The following PCDH9 variants were observed in gnomAD, a reference collection of about 807,000 sequenced individuals.
PCDH9 encodes protocadherin 9, also known as protocadherin-9.
In PCDH9, 24 loss-of-function variants were observed where a neutral mutation model predicts 70.6. The ratio of observed to expected loss-of-function variants is 0.34; its 90% confidence interval spans 0.25 to 0.48. The LOEUF is 0.48. Ranked by LOEUF, PCDH9 falls within the 20% of genes least tolerant of loss-of-function variation. The probability of loss-of-function intolerance (pLI) is 0.99; values close to 1 mark genes in which losing one functional copy is unlikely to be tolerated. For synonymous variants in PCDH9, 562 were observed against 558.5 expected (o/e 1.01, Z -0.09); for missense variants, 1,281 against 1,503.6 (o/e 0.85, Z 2.45).
At chr13:66,736,548 T>C (rs996673054) in intron 3 of PCDH9, among the ~76,000 whole-genome samples, 10 of 152,182 alleles carry the variant, frequency 6.6e-5, no homozygotes, top group African/African-American at 2.4e-4. Flanking sequence ...CTTTTAGATT[T>C]TGTTATTGTG....
At chr13:66,893,503 C>G (rs866572157) in intron 3 of PCDH9, among the ~76,000 whole-genome samples, 3 of 152,026 alleles carry the variant, frequency 2.0e-5, no homozygotes, top group Middle Eastern at 3.2e-3. Flanking sequence ...AAATAAGAAG[C>G]CATAGGAGAT....
intron 3 of PCDH9, among the ~76,000 whole-genome samples, chr13:66,778,494 C>T (rs2079937816): frequency 6.6e-6 from 1 of 152,148 alleles, no homozygotes; most frequent in South Asian, 2.1e-4. Flanking sequence ...GCTTTTCCAA[C>T]ATTTGTACTT....
chr13:66,737,037 C>T (rs1448879554), intron 3 of PCDH9, among the ~76,000 whole-genome samples: 1 of 152,062 alleles, frequency 6.6e-6, no homozygotes, highest in African/African-American at 2.4e-5. Flanking sequence ...CCATGAAACG[C>T]AGGGTAGTGC....
intron 2 of PCDH9, among the ~76,000 whole-genome samples, chr13:67,092,963 A>G (rs1253488404): frequency 6.6e-6 from 1 of 152,002 alleles, no homozygotes; most frequent in Admixed American, 6.6e-5. Flanking sequence ...AGAAGGGGGA[A>G]AAAAAAACTA....
chr13:66,711,392 C>CAAA (rs5804291), intron 3 of PCDH9, among the ~76,000 whole-genome samples: 11 of 128,620 alleles, frequency 8.6e-5, no homozygotes, highest in Non-Finnish European at 1.4e-4. Context: ...AAGAAAATTG[C>CAAA]AAAAAAAAAA....
intron 3 of PCDH9, among the ~76,000 whole-genome samples, chr13:66,748,553 A>C (rs1377492391): frequency 6.6e-6 from 1 of 152,208 alleles, no homozygotes; most frequent in African/African-American, 2.4e-5. Context: ...AAATAATTTT[A>C]GCCACTGTGT....
chr13:66,708,278 T>C (rs1222904686), intron 3 of PCDH9, among the ~76,000 whole-genome samples: 1 of 151,830 alleles, frequency 6.6e-6, no homozygotes, highest in African/African-American at 2.4e-5. Context: ...CTCGATCTCC[T>C]GATCTCGTGA....
intron 2 of PCDH9, among the ~76,000 whole-genome samples, chr13:66,918,009 T>G (rs1273037436): frequency 1.3e-5 from 2 of 151,258 alleles, no homozygotes; most frequent in African/African-American, 4.8e-5. Context: ...TGTGTATGGT[T>G]ATGTTCGAGG....
intron 3 of PCDH9, among the ~76,000 whole-genome samples, chr13:66,653,419 A>G (rs1400993629): frequency 6.6e-6 from 1 of 152,214 alleles, no homozygotes; most frequent in African/African-American, 2.4e-5. Context: ...GGTGCTCAAC[A>G]TCATTGATCA....
chr13:66,586,435 T>C (rs2076964425), intron 4 of PCDH9, among the ~76,000 whole-genome samples: 1 of 152,154 alleles, frequency 6.6e-6, no homozygotes, highest in Non-Finnish European at 1.5e-5. Flanking sequence ...AAGATCTAAG[T>C]GTGCACCTAT....
chr13:66,500,351 A>G (rs1959170508), intron 4 of PCDH9, among the ~76,000 whole-genome samples: 1 of 152,152 alleles, frequency 6.6e-6, no homozygotes, highest in African/African-American at 2.4e-5. Flanking sequence ...CATTATTCCC[A>G]ATAGCCATAA....
intron 2 of PCDH9, among the ~76,000 whole-genome samples, chr13:66,934,773 T>A (rs1413733483): frequency 8.8e-6 from 1 of 113,734 alleles, no homozygotes; most frequent in African/African-American, 3.3e-5. Flanking sequence ...CAGGCTGGAG[T>A]GCAGTGGCGC....
intron 3 of PCDH9, among the ~76,000 whole-genome samples, chr13:66,677,922 A>G (rs1354847928): frequency 2.0e-5 from 3 of 152,174 alleles, no homozygotes; most frequent in Non-Finnish European, 4.4e-5. Flanking sequence ...ATTCTGCTTC[A>G]GTGATAGTTG....
chr13:66,640,343 G>T (rs1327976756), intron 3 of PCDH9, among the ~76,000 whole-genome samples: 1 of 152,028 alleles, frequency 6.6e-6, no homozygotes, highest in East Asian at 1.9e-4. Context: ...AAGAAGTAAT[G>T]GGAATCACCC....
intron 3 of PCDH9, among the ~76,000 whole-genome samples, chr13:66,719,485 A>C (rs2078913747): frequency 6.6e-6 from 1 of 152,022 alleles, no homozygotes; most frequent in Non-Finnish European, 1.5e-5. Flanking sequence ...AACAAGGTAC[A>C]CTCTACAGAG....
chr13:67,213,933 G>A (rs1457142373), intron 2 of PCDH9: 2 of 152,096 alleles, frequency 1.3e-5, no homozygotes, highest in Non-Finnish European at 2.9e-5. Context: ...TTCTTATTTA[G>A]TTGATAAAGT....
At chr13:66,573,330 T>C (rs1249668123) in intron 4 of PCDH9, among the ~76,000 whole-genome samples, 1 of 151,874 alleles carries the variant, frequency 6.6e-6, no homozygotes, top group Non-Finnish European at 1.5e-5. Context: ...TACTAATCCT[T>C]TGTTGGATAG....
chr13:66,320,551 A>G (rs187469090), intron 4 of PCDH9, among the ~76,000 whole-genome samples: 5 of 152,144 alleles, frequency 3.3e-5, no homozygotes, highest in Admixed American at 6.5e-5. Context: ...ATCAATCACT[A>G]AGAGTATTTT....
chr13:67,073,829 G>T (rs980135591), intron 2 of PCDH9, among the ~76,000 whole-genome samples: 5 of 151,936 alleles, frequency 3.3e-5, no homozygotes, highest in Middle Eastern at 3.4e-3. Context: ...AAACACCCAG[G>T]TTTTCAACAT....
Sources: allele counts gnomAD v4.1 joint callset (sites outside exome capture counted in the v4.1 genomes callset), GRCh38; gene constraint gnomAD v4.1.1; transcripts MANE v1.5; gene names NCBI Gene and HGNC (gene_info 2026-07-23, HGNC 2026-07-21).